GALNT13: variants seen among roughly 807,000 people sequenced by gnomAD.
GALNT13 encodes the protein UDP-GalNAc:polypeptide N-acetylgalactosaminyltransferase 13.
In GALNT13, 28 loss-of-function variants were observed where a neutral mutation model predicts 64.2. The observed-to-expected ratio is 0.44, with a 90% CI of 0.32 to 0.60. The LOEUF is 0.60. GALNT13 is among the 20% of genes least tolerant of loss of function. GALNT13 has a pLI of 0.05. For missense variants in GALNT13, 577 were observed against 669.8 expected, an observed-to-expected ratio of 0.86 and a Z score of 1.53; for synonymous variants, 214 against 224.6, an observed-to-expected ratio of 0.95 and a Z score of 0.42.
At chr2:153,332,942 A>G in the GALNT13 span, among the ~76,000 whole-genome samples, 1 of 152,180 alleles carries the variant, frequency 6.6e-6, no homozygotes, top group Non-Finnish European at 1.5e-5. Flanking sequence ...CTCATTGCCT[A>G]GGAGACACTG....
chr2:153,898,782 G>GT (rs370801226), intron 1 of GALNT13, among the ~76,000 whole-genome samples: 4 of 148,186 alleles, frequency 2.7e-5, no homozygotes, highest in African/African-American at 1.0e-4. Context: ...ATGTAGTATT[G>GT]TAAGTGGTTA....
chr2:154,429,167 A>G lies in GALNT13; in HGVS notation c.1396-9425A>G, dbSNP rs578051099. 8.5e-5 allele frequency among the ~76,000 whole-genome samples: 13 copies of G among 152,280 alleles called. No individual in the cohort carries two copies. In the East Asian group the frequency reaches 1.2e-3, roughly 14 times the overall value. ...GGCATCTGTGTGTTCAAGTGAAAGG[A>G]AAGTCACATGTTTCTCACTTTAAAT... On this transcript the variant is annotated intron_variant, in intron 11 of 12. Coordinates refer to ENST00000392825, the MANE Select transcript of GALNT13 (RefSeq NM_052917.4).
At chr2:153,386,348 G>A in the GALNT13 span, among the ~76,000 whole-genome samples, 1 of 152,000 alleles carries the variant, frequency 6.6e-6, no homozygotes, top group Non-Finnish European at 1.5e-5. Context: ...AATTGATACC[G>A]ACTGTTATAC....
intron 4 of GALNT13, among the ~76,000 whole-genome samples, chr2:154,172,145 T>C (rs1202958969): frequency 1.3e-5 from 2 of 151,972 alleles, no homozygotes; most frequent in Admixed American, 6.6e-5. Context: ...CCATGTCTAA[T>C]AAAAATATTA....
Position 154,189,471 on chromosome 2 carries a change from C to T in GALNT13, c.311+48966C>T, listed in dbSNP as rs76341030. ...CACTTTCTCTCTTCTCACGTGCACA[C>T]CAAAAAAAAAAAAAAAAAAAAAAGG... is the stretch of plus-strand genomic sequence containing the variant. On this transcript the variant is annotated intron_variant, in intron 4 of 12. Transcript: ENST00000392825. 8.6e-5 allele frequency among the ~76,000 whole-genome samples: 5 copies of T among 58,294 alleles called. No individual in the cohort carries two copies. In the Admixed American group the frequency reaches 9.2e-4, roughly 11 times the overall value. The allele number at this position is 58,294 out of a possible 152,430, so 38.2% of individuals were successfully genotyped here.
chr2:153,791,766 T>C, the GALNT13 span, among the ~76,000 whole-genome samples: 1 of 152,098 alleles, frequency 6.6e-6, no homozygotes, highest in Non-Finnish European at 1.5e-5. Flanking sequence ...AGATTATATC[T>C]TCTGCAGGAA....
the GALNT13 span, among the ~76,000 whole-genome samples, chr2:153,486,306 C>G: frequency 6.6e-6 from 1 of 152,112 alleles, no homozygotes; most frequent in South Asian, 2.1e-4. Flanking sequence ...TCTATTTTAT[C>G]TTTTGATTTT....
chr2:153,579,756 A>G, the GALNT13 span, among the ~76,000 whole-genome samples: 1 of 152,072 alleles, frequency 6.6e-6, no homozygotes, highest in Admixed American at 6.5e-5. Flanking sequence ...CAGTGGTGGC[A>G]TTACATTCTC....
chr2:153,602,041 T>C, the GALNT13 span, among the ~76,000 whole-genome samples: 2 of 151,960 alleles, frequency 1.3e-5, no homozygotes, highest in East Asian at 3.9e-4. Context: ...ATCCAACTTA[T>C]CTGTGATACC....
intron 3 of GALNT13, among the ~76,000 whole-genome samples, chr2:154,019,602 C>CCACACACACACA (rs67316542): frequency 7.9e-6 from 1 of 126,498 alleles, no homozygotes; most frequent in Non-Finnish European, 1.6e-5. Context: ...GAGTAAGACT[C>CCACACACACACA]CACACACACA....
At chr2:154,296,362 G>A (rs913627874) in intron 8 of GALNT13, among the ~76,000 whole-genome samples, 3 of 152,110 alleles carry the variant, frequency 2.0e-5, no homozygotes, top group Non-Finnish European at 2.9e-5. Context: ...CCAGGATAAC[G>A]TGCTAATTTG....
chr2:153,517,338 C>T, the GALNT13 span, among the ~76,000 whole-genome samples: 16 of 152,090 alleles, frequency 1.1e-4, no homozygotes, highest in East Asian at 9.6e-4. Context: ...GAAACTAATA[C>T]GTGCTCTGAG....
chr2:153,603,505 T>C, the GALNT13 span, among the ~76,000 whole-genome samples: 1 of 151,964 alleles, frequency 6.6e-6, no homozygotes, highest in African/African-American at 2.4e-5. Flanking sequence ...AAGGTGATAA[T>C]AGCTCTATTC....
chr2:153,527,711 C>A, the GALNT13 span, among the ~76,000 whole-genome samples: 1 of 152,026 alleles, frequency 6.6e-6, no homozygotes, highest in Admixed American at 6.6e-5. Context: ...ACAATAACTA[C>A]AACAAATTTT....
chr2:153,595,612 G>A, the GALNT13 span, among the ~76,000 whole-genome samples: 1 of 151,730 alleles, frequency 6.6e-6, no homozygotes, highest in Non-Finnish European at 1.5e-5. Flanking sequence ...CCAACTATAC[G>A]ATATAAAAAG....
chr2:154,293,911 A>T (rs905786778), intron 8 of GALNT13, among the ~76,000 whole-genome samples: 1 of 152,150 alleles, frequency 6.6e-6, no homozygotes, highest in South Asian at 2.1e-4. Flanking sequence ...CATAAGTTAA[A>T]TGTTTTATTC....
chr2:153,977,268 GCT>G (rs1228390597), intron 3 of GALNT13, among the ~76,000 whole-genome samples: 2 of 152,094 alleles, frequency 1.3e-5, no homozygotes, highest in Admixed American at 1.3e-4. Flanking sequence ...GCATTACCAT[GCT>G]ACTTGTATTA....
In GALNT13 at chr2:154,076,483, G is replaced by A. The variant is rs529411437; in HGVS notation, c.143-63854G>A. 6.6e-5 allele frequency among the ~76,000 whole-genome samples: 10 copies of A among 151,848 alleles called. No individual in the cohort carries two copies. In the South Asian group the frequency reaches 1.7e-3, roughly 25 times the overall value. ...AGTTTGAGTAACTTACCCATACTGA[G>A]AGATTTAATAAATGGTGCAGCTGGG... On this transcript the variant is annotated intron_variant, in intron 3 of 12. Transcript: ENST00000392825.
At chr2:153,729,216 A>G in the GALNT13 span, among the ~76,000 whole-genome samples, 1 of 152,146 alleles carries the variant, frequency 6.6e-6, no homozygotes, top group Admixed American at 6.6e-5. Context: ...TATGTAGAGT[A>G]TCTTTAAAAC....
Sources: allele counts gnomAD v4.1 joint callset (sites outside exome capture counted in the v4.1 genomes callset), GRCh38; gene constraint gnomAD v4.1.1; transcripts MANE v1.5; gene names NCBI Gene and HGNC (gene_info 2026-07-23, HGNC 2026-07-21).